MYOM2: variants seen among roughly 807,000 people sequenced by gnomAD.
MYOM2 encodes myomesin 2.
MYOM2 carries 254 observed loss-of-function variants against 187.6 expected under a neutral mutation model. That is an observed-to-expected ratio of 1.35 (90% CI 1.22 to 1.50). The LOEUF (loss-of-function observed/expected upper bound fraction) is 1.50, where lower values mean the gene tolerates loss of function less well. Ranked by LOEUF, MYOM2 falls within the 40% of genes most tolerant of loss-of-function variation. The probability of loss-of-function intolerance (pLI) is 0.00; values close to 1 mark genes in which losing one functional copy is unlikely to be tolerated. For missense variants in MYOM2, 2,796 were observed against 1,924.0 expected (o/e 1.45, Z -8.48); for synonymous variants, 981 against 753.8 (o/e 1.30, Z -4.94).
intron 11 of MYOM2, among the ~76,000 whole-genome samples, chr8:2,077,907 G>A (rs1336786708): frequency 6.6e-6 from 1 of 152,170 alleles, no homozygotes; most frequent in African/African-American, 2.4e-5. Flanking sequence ...TTGACCTGTT[G>A]TTCTCTTCGG....
intron 3 of MYOM2, among the ~76,000 whole-genome samples, chr8:2,054,913 T>TG (rs35733854): frequency 0.048 from 5,264 of 109,612 alleles, 763 homozygotes; most frequent in Non-Finnish European, 0.069. Context: ...ACCTGGATAC[T>TG]GGGGAACCAA....
At chr8:2,124,158 C>T (rs765046328) in intron 30 of MYOM2, 21 bp from the exon 31 acceptor site, 29 of 1,607,526 alleles carry the variant, frequency 1.8e-5, no homozygotes, top group Non-Finnish European at 1.9e-5. Context: ...CGTAATGGTG[C>T]GTATCCCTTC....
chr8:2,070,490 G>A (rs1819177452), intron 8 of MYOM2, among the ~76,000 whole-genome samples: 1 of 152,172 alleles, frequency 6.6e-6, no homozygotes, highest in South Asian at 2.1e-4. Context: ...TGAGCCTGGG[G>A]AGCCCGGGAG....
Position 2,145,036 on chromosome 8 carries a change from T to C in MYOM2, c.*55T>C. 5 of 1,585,736 alleles carry C rather than the reference T, an allele frequency of 3.2e-6. No homozygotes were observed. The highest frequency in any genetic ancestry group is 1.1e-5 in the South Asian group (1 of 89,090). ...ATATGCTTGGCAGAGACAGGAATGC[T>C]GTGTGCTTGTTCCAAATGAGCAGCT... is the stretch of plus-strand genomic sequence containing the variant. On this transcript the variant is annotated 3_prime_UTR_variant, in exon 37 of 37. Coordinates refer to ENST00000262113, the MANE Select transcript of MYOM2 (RefSeq NM_003970.4).
chr8:2,100,897 T>C lies in MYOM2; in HGVS notation c.2462T>C (p.Phe821Ser), dbSNP rs2116777135. ...PEPGPAYDLT[F>S]CEVRDTSLVM... Reference sequence around the variant, plus strand: ...ACAGGTCCTGCCTACGACTTGACGTTCTGTGAGGTCAGGGACACGTCCTTG... The same window carrying C: ...ACAGGTCCTGCCTACGACTTGACGTCCTGTGAGGTCAGGGACACGTCCTTG... The change falls in exon 20 of 37, where the codon TTC (phenylalanine) becomes TCC (serine). Residue 821 changes from phenylalanine (F) to serine (S), a missense_variant. Coordinates refer to ENST00000262113, the MANE Select transcript of MYOM2 (RefSeq NM_003970.4). The C allele has an allele frequency of 1.9e-6, 3 of 1,614,136 alleles. No homozygotes were observed. The highest frequency in any genetic ancestry group is 2.5e-6 in the Non-Finnish European group (3 of 1,180,022).
At chr8:2,142,904 C>T (rs931563280) in intron 35 of MYOM2, among the ~76,000 whole-genome samples, 1 of 151,768 alleles carries the variant, frequency 6.6e-6, no homozygotes, top group Non-Finnish European at 1.5e-5. Flanking sequence ...TACAGGCACC[C>T]GCCATCATGC....
intron 30 of MYOM2, 26 bp from the exon 31 acceptor site, chr8:2,124,153 T>C: frequency 1.2e-6 from 2 of 1,605,636 alleles, no homozygotes; most frequent in Non-Finnish European, 1.7e-6. Flanking sequence ...CATGTCGTAA[T>C]GGTGCGTATC....
In MYOM2 at chr8:2,108,792, A is replaced by G. The variant is rs1374727709; in HGVS notation, c.3005A>G (p.Glu1002Gly). Reference sequence around the variant, plus strand: ...TACTTTTTCTTCGTTTTAGAGCTCGAGCGTTTGATGGCATTGAGCAATGAA... The same window carrying G: ...TACTTTTTCTTCGTTTTAGAGCTCGGGCGTTTGATGGCATTGAGCAATGAA... ...SSFVLDPEEL[E>G]RLMALSNEIK... Residue 1002 changes from glutamate (E) to glycine (G), a missense_variant, in exon 24 of 37, where the codon GAG becomes GGG. Physicochemically the swap from Glu to Gly is moderately conservative, Grantham distance 98 (BLOSUM62 -2). Transcript: ENST00000262113. 4 of 1,613,762 alleles carry G rather than the reference A, an allele frequency of 2.5e-6. No homozygotes were observed. Among genetic ancestry groups the G allele is most frequent in the East Asian group, 2.2e-5 (1 of 44,828 alleles).
intron 21 of MYOM2, among the ~76,000 whole-genome samples, chr8:2,105,779 C>G (rs941856193): frequency 2.6e-5 from 4 of 152,230 alleles, no homozygotes; most frequent in Non-Finnish European, 4.4e-5. Flanking sequence ...TCATTAAATG[C>G]AACTGATGAT....
intron 18 of MYOM2, 50 bp from the exon 19 acceptor site, chr8:2,098,807 C>T (rs1357750786): frequency 6.4e-7 from 1 of 1,561,248 alleles, no homozygotes; most frequent in Non-Finnish European, 8.7e-7. Flanking sequence ...CCTCAGTGGG[C>T]TGTAAGGCAT....
chr8:2,051,620 C>G (rs1006905245), intron 2 of MYOM2, among the ~76,000 whole-genome samples: 1 of 152,308 alleles, frequency 6.6e-6, no homozygotes, highest in Non-Finnish European at 1.5e-5. Context: ...GCAGCCCCTC[C>G]CAGCAGCCTT....
At chr8:2,085,242 C>A (rs201526000) in intron 13 of MYOM2, 21 bp from the exon 14 acceptor site, 8 of 1,612,552 alleles carry the variant, frequency 5.0e-6, no homozygotes, top group South Asian at 1.1e-5. Flanking sequence ...TCAGCACTCA[C>A]CGAATTTATT....
At chr8:2,131,523 C>G (rs942790128) in intron 32 of MYOM2, among the ~76,000 whole-genome samples, 1 of 151,828 alleles carries the variant, frequency 6.6e-6, no homozygotes, top group Non-Finnish European at 1.5e-5. Flanking sequence ...GAAAGCATCC[C>G]TAGATACAAA....
chr8:2,115,812 C>T lies in MYOM2; in HGVS notation c.3181-148C>T, dbSNP rs2116834545. 13 of 830,922 alleles carry T rather than the reference C, an allele frequency of 1.6e-5. No homozygotes were observed. In the South Asian group the frequency reaches 1.9e-4, roughly 12 times the overall value. 51.5% of individuals were successfully genotyped at this position (830,922 alleles called of 1,614,324 possible). A position where few individuals can be genotyped will look rare whatever the true frequency, so the allele number is the denominator to read the frequency against. On this transcript the variant is annotated intron_variant, in intron 25 of 36. Coordinates refer to ENST00000262113, the MANE Select transcript of MYOM2 (RefSeq NM_003970.4). ...ACCCACTGTTTGATCCTTGTTCACC[C>T]AGAGGTTTCCTTGATAAAATTTCAT...
At position 2,055,185 on chromosome 8, in the gene MYOM2, A is replaced by G. The variant is rs116625339; in HGVS notation, c.264-2163A>G. Among the ~76,000 whole-genome samples the G allele has an allele frequency of 5.7e-3, 866 of 152,070 alleles. 8 individuals are homozygous for G. Among genetic ancestry groups the G allele is most frequent in the African/African-American group, 0.02 (836 of 41,460 alleles). On this transcript the variant is annotated intron_variant, in intron 3 of 36. Coordinates refer to ENST00000262113, the MANE Select transcript of MYOM2 (RefSeq NM_003970.4). The stretch of plus-strand genomic sequence containing the variant: ...AAGTACCTGGATACTGGGGCAATGA[A>G]GAGGGCATTTTCCCGCTTTGTTGGG...
At chr8:2,051,080 G>C (rs1194143193) in intron 2 of MYOM2, among the ~76,000 whole-genome samples, 1 of 152,180 alleles carries the variant, frequency 6.6e-6, no homozygotes, top group East Asian at 1.9e-4. Context: ...CCTGCTGGCC[G>C]AGTTCAGCTC....
intron 1 of MYOM2, among the ~76,000 whole-genome samples, chr8:2,048,193 G>T (rs879290359): frequency 1.3e-5 from 2 of 152,240 alleles, no homozygotes; most frequent in Non-Finnish European, 1.5e-5. Context: ...AGGTACTGGG[G>T]ATTGCTCATG....
At chr8:2,131,706 C>T (rs1419147506) in intron 32 of MYOM2, among the ~76,000 whole-genome samples, 1 of 145,938 alleles carries the variant, frequency 6.9e-6, no homozygotes, top group African/African-American at 2.6e-5. Flanking sequence ...TGCAGTGGTG[C>T]GATCTCGGCT....
At chr8:2,062,496 G>A (rs192246879) in intron 6 of MYOM2, among the ~76,000 whole-genome samples, 2 of 152,272 alleles carry the variant, frequency 1.3e-5, no homozygotes, top group Non-Finnish European at 2.9e-5. Context: ...GTGAAAGAGA[G>A]GGGTCCAAGT....
Sources: gnomAD v4.1 joint callset for allele counts (sites outside exome capture counted in the v4.1 genomes callset) on GRCh38, gnomAD v4.1.1 for gene constraint, MANE v1.5 for transcripts, NCBI Gene and HGNC (gene_info 2026-07-23, HGNC 2026-07-21) for gene names.